SLC44A5: variants seen among roughly 807,000 people sequenced by gnomAD.
SLC44A5 encodes the protein solute carrier family 44 member 5.
SLC44A5 carries 57 observed loss-of-function variants against 101.8 expected under a neutral mutation model. That is an observed-to-expected ratio of 0.56 (90% CI 0.45 to 0.70). The LOEUF is 0.70. Among genes scored for constraint, SLC44A5 ranks in the 30% least tolerant of loss-of-function variants. The pLI, the probability that SLC44A5 is intolerant of heterozygous loss-of-function variation, is 0.00. For synonymous variants in SLC44A5, 281 were observed against 290.9 expected, an observed-to-expected ratio of 0.97 and a Z score of 0.35; for missense variants, 737 against 853.1, an observed-to-expected ratio of 0.86 and a Z score of 1.70.
intron 3 of SLC44A5, among the ~76,000 whole-genome samples, chr1:75,362,113 C>A (rs1198447185): frequency 1.3e-5 from 2 of 151,898 alleles, no homozygotes; most frequent in African/African-American, 4.8e-5. Context: ...ATAGCAGTTT[C>A]TTATGATCCT....
At chr1:75,348,178 C>A (rs994284670) in intron 3 of SLC44A5, among the ~76,000 whole-genome samples, 1 of 151,948 alleles carries the variant, frequency 6.6e-6, no homozygotes, top group Non-Finnish European at 1.5e-5. Flanking sequence ...CTCTCTCTCT[C>A]TGTCAAAGCA....
At chr1:75,577,086 A>G (rs1673413372) in intron 1 of SLC44A5, among the ~76,000 whole-genome samples, 1 of 152,144 alleles carries the variant, frequency 6.6e-6, no homozygotes, top group Non-Finnish European at 1.5e-5. Flanking sequence ...TTCAGACACC[A>G]TATCCTGTTG....
At chr1:75,386,008 A>T (rs947729230) in intron 3 of SLC44A5, among the ~76,000 whole-genome samples, 1 of 152,086 alleles carries the variant, frequency 6.6e-6, no homozygotes, top group Non-Finnish European at 1.5e-5. Flanking sequence ...AAATTCAACA[A>T]CCCCTCATGC....
intron 4 of SLC44A5, among the ~76,000 whole-genome samples, chr1:75,310,536 C>T (rs536538947): frequency 6.6e-6 from 1 of 152,320 alleles, no homozygotes; most frequent in African/African-American, 2.4e-5. Context: ...TTCAGCTTCT[C>T]TACTAGCGGA....
At chr1:75,610,854 C>A (rs1675617531) in intron 1 of SLC44A5, among the ~76,000 whole-genome samples, 186 bp downstream of exon 1, 1 of 151,740 alleles carries the variant, frequency 6.6e-6, no homozygotes, top group South Asian at 2.1e-4. Context: ...CCCAGGATAT[C>A]TATATATATA....
At chr1:75,466,168 G>T (rs909573382) in intron 2 of SLC44A5, among the ~76,000 whole-genome samples, 3 of 152,040 alleles carry the variant, frequency 2.0e-5, no homozygotes, top group Non-Finnish European at 4.4e-5. Context: ...CATTTAAAAG[G>T]CCATTTGTCA....
the SLC44A5 span, among the ~76,000 whole-genome samples, chr1:75,719,638 C>T: frequency 6.6e-6 from 1 of 152,170 alleles, no homozygotes; most frequent in Non-Finnish European, 1.5e-5. Flanking sequence ...CTCGAATAGG[C>T]TCCTTTCATT....
intron 6 of SLC44A5, among the ~76,000 whole-genome samples, chr1:75,253,022 C>A (rs948618267): frequency 1.3e-5 from 2 of 152,154 alleles, no homozygotes; most frequent in African/African-American, 4.8e-5. Context: ...TGGATGCCTG[C>A]CCCAGTGAGT....
intron 2 of SLC44A5, among the ~76,000 whole-genome samples, chr1:75,431,607 CGAG>C (rs771022276): frequency 8.5e-5 from 13 of 152,094 alleles, no homozygotes; most frequent in African/African-American, 3.1e-4. Context: ...AGTCTAGTGG[CGAG>C]GAGGAGTGGG....
intron 2 of SLC44A5, among the ~76,000 whole-genome samples, chr1:75,473,366 T>C (rs1220605227): frequency 1.3e-5 from 2 of 152,204 alleles, no homozygotes; most frequent in Non-Finnish European, 2.9e-5. Context: ...TTGATGATTT[T>C]CCAAAGAGGA....
At chr1:75,290,407 C>T (rs1239988715) in intron 5 of SLC44A5, among the ~76,000 whole-genome samples, 2 of 152,130 alleles carry the variant, frequency 1.3e-5, no homozygotes, top group Non-Finnish European at 2.9e-5. Context: ...GGGAAATAAG[C>T]AGGAGTTGAT....
chr1:75,215,962 GT>G, intron 18 of SLC44A5, 105 bp from the exon 19 acceptor site: 1 of 667,752 alleles, frequency 1.5e-6, no homozygotes, highest in South Asian at 2.0e-5. Context: ...ATTTTTTATT[GT>G]TATAAAATAT....
chr1:75,654,591 T>C, the SLC44A5 span, among the ~76,000 whole-genome samples: 1 of 152,162 alleles, frequency 6.6e-6, no homozygotes, highest in East Asian at 1.9e-4. Context: ...GAAGGGAATA[T>C]GCCTGTGGAT....
At chr1:75,352,684 T>A (rs561687327) in intron 3 of SLC44A5, among the ~76,000 whole-genome samples, 2 of 152,288 alleles carry the variant, frequency 1.3e-5, no homozygotes, top group African/African-American at 4.8e-5. Context: ...CTAGTGAGAA[T>A]AAAAATTGGT....
At chr1:75,632,158 G>A in the SLC44A5 span, among the ~76,000 whole-genome samples, 4 of 152,060 alleles carry the variant, frequency 2.6e-5, no homozygotes, top group Non-Finnish European at 5.9e-5. Flanking sequence ...TATTTTCTCC[G>A]TGTCTCTGAA....
intron 12 of SLC44A5, among the ~76,000 whole-genome samples, chr1:75,230,694 G>A (rs1302947361): frequency 1.3e-5 from 2 of 151,914 alleles, no homozygotes; most frequent in African/African-American, 2.4e-5. Flanking sequence ...TCGGTTCACT[G>A]CAACCTCCTC....
intron 3 of SLC44A5, among the ~76,000 whole-genome samples, chr1:75,388,524 T>C (rs994848809): frequency 3.3e-5 from 5 of 152,124 alleles, no homozygotes; most frequent in Non-Finnish European, 5.9e-5. Flanking sequence ...CTCATGCCTG[T>C]AATTCCAGCA....
the SLC44A5 span, among the ~76,000 whole-genome samples, chr1:75,617,131 G>A: frequency 5.9e-5 from 9 of 152,222 alleles, no homozygotes; most frequent in Admixed American, 1.3e-4. Flanking sequence ...GTAGGGAGAG[G>A]TTACCAGGGT....
chr1:75,526,992 G>A (rs535188310), intron 2 of SLC44A5, among the ~76,000 whole-genome samples: 13 of 151,896 alleles, frequency 8.6e-5, no homozygotes, highest in Middle Eastern at 3.4e-3. Context: ...AAAACTAGCC[G>A]GGCATGGTGG....
Sources: gnomAD v4.1 joint callset for allele counts (sites outside exome capture counted in the v4.1 genomes callset) on GRCh38, gnomAD v4.1.1 for gene constraint, MANE v1.5 for transcripts, NCBI Gene and HGNC (gene_info 2026-07-23, HGNC 2026-07-21) for gene names.